Variants in SFMBT2 observed in about 807,000 individuals in gnomAD.
The protein encoded by SFMBT2 is Scm like with four mbt domains 2, also known as scm-like with four MBT domains protein 2.
Under a neutral mutation model 110.1 loss-of-function variants are expected in SFMBT2, and 38 were observed. The ratio of observed to expected loss-of-function variants is 0.35; its 90% CI spans 0.27 to 0.45. The LOEUF (loss-of-function observed/expected upper bound fraction) is 0.45, where lower values mean the gene tolerates loss of function less well. Ranked by LOEUF, SFMBT2 falls within the 20% of genes least tolerant of loss-of-function variation. SFMBT2 has a pLI of 1.00. For missense variants in SFMBT2, 1,011 were observed against 1,094.9 expected (o/e 0.92, Z 1.08); for synonymous variants, 425 against 425.4 (o/e 1.00, Z 0.01).
At position 7,176,070 on chromosome 10, in the gene SFMBT2, C is replaced by G. The variant is rs766994102; in HGVS notation, c.1904G>C (p.Cys635Ser). The G allele has an allele frequency of 4.3e-6, 7 of 1,614,110 alleles. No homozygotes were observed. The African/African-American group carries it at 9.3e-5, about 22-fold the overall frequency. ...CACAGGACTAAACAAATTTGGACAG[C>G]ACTCTAGCTTGGCACAGACTCGGCG... Reference protein sequence around the residue: ...FCRRVCAKLECCPNLFSPVLI... With the variant: ...FCRRVCAKLESCPNLFSPVLI... The change falls in exon 17 of 21, where the codon TGC (cysteine) becomes TCC (serine). Residue 635 changes from cysteine (C) to serine (S), a missense_variant. Cys to Ser is a moderately radical substitution (Grantham distance 112). Around this residue, in one of 2 missense-constraint regions of SFMBT2, gnomAD observed 979 missense variants for 1,016.1 expected, o/e 0.96. Transcript: ENST00000397167.
intron 8 of SFMBT2, among the ~76,000 whole-genome samples, chr10:7,247,220 G>A (rs535856701): frequency 7.2e-5 from 11 of 152,180 alleles, no homozygotes; most frequent in African/African-American, 2.4e-4. Flanking sequence ...AGGTTCAAGC[G>A]ATTCTCCTGC....
At chr10:7,326,967 C>T (rs986583882) in intron 4 of SFMBT2, among the ~76,000 whole-genome samples, 3 of 151,898 alleles carry the variant, frequency 2.0e-5, no homozygotes, top group Non-Finnish European at 4.4e-5. Context: ...GGAAAGTCAC[C>T]GTAAATAAAA....
At chr10:7,212,517 G>C (rs1839383298) in intron 11 of SFMBT2, among the ~76,000 whole-genome samples, 1 of 152,162 alleles carries the variant, frequency 6.6e-6, no homozygotes, top group South Asian at 2.1e-4. Context: ...TGGAGCACAG[G>C]CTCCCGCAGG....
At chr10:7,200,962 C>T in intron 13 of SFMBT2, 1 of 545,580 alleles carries the variant, frequency 1.8e-6, no homozygotes, top group Non-Finnish European at 2.3e-6. Flanking sequence ...AAAAGAAAAT[C>T]TATAAACTGG....
rs531939699 is a variant in SFMBT2, at chr10:7,370,767, A to T, written c.101-392T>A. 7.6e-4 allele frequency: 717 copies of T among 937,294 alleles called. 1 individual carries two copies. The highest frequency in any genetic ancestry group is 8.8e-4 in the Non-Finnish European group (692 of 786,180). 58.1% of individuals were successfully genotyped at this position (937,294 alleles called of 1,614,324 possible). A position where few individuals can be genotyped will look rare whatever the true frequency, so the allele number is the denominator to read the frequency against. Reference sequence around the variant, plus strand: ...CATCGTGCGCTGAGCAAGGGCTGTGATGTAGGCTGTGATGTATACAGAGAA... The same window carrying T: ...CATCGTGCGCTGAGCAAGGGCTGTGTTGTAGGCTGTGATGTATACAGAGAA... On this transcript the variant is annotated intron_variant, in intron 2 of 20. Transcript: ENST00000397167.
At chr10:7,352,463 C>T (rs961866621) in intron 4 of SFMBT2, among the ~76,000 whole-genome samples, 2 of 152,184 alleles carry the variant, frequency 1.3e-5, no homozygotes, top group African/African-American at 4.8e-5. Flanking sequence ...GCTGGGACTA[C>T]AGGCATGCAC....
intron 2 of SFMBT2, among the ~76,000 whole-genome samples, chr10:7,371,862 T>C (rs893409306): frequency 2.0e-5 from 3 of 150,592 alleles, no homozygotes; most frequent in Non-Finnish European, 4.4e-5. Context: ...CCAGGGGACA[T>C]GGGGCCAAAT....
At chr10:7,330,936 T>C (rs749752758) in intron 4 of SFMBT2, among the ~76,000 whole-genome samples, 5 of 152,238 alleles carry the variant, frequency 3.3e-5, no homozygotes, top group Non-Finnish European at 7.3e-5. Flanking sequence ...AGGCAGCAGT[T>C]TGCGGTCATC....
intron 2 of SFMBT2, among the ~76,000 whole-genome samples, chr10:7,380,844 G>T (rs1483250631): frequency 6.6e-6 from 1 of 152,128 alleles, no homozygotes; most frequent in Non-Finnish European, 1.5e-5. Flanking sequence ...GAGCCTAGTA[G>T]TTTAAGACAA....
intron 11 of SFMBT2, among the ~76,000 whole-genome samples, chr10:7,214,358 A>T (rs1050799642): frequency 6.6e-6 from 1 of 152,220 alleles, no homozygotes; most frequent in African/African-American, 2.4e-5. Flanking sequence ...GCTGGGTACA[A>T]ATGAAGCAAG....
At chr10:7,269,703 AGTAAGTGTGTGCGTGTGTGT>A (rs1374090364) in intron 7 of SFMBT2, among the ~76,000 whole-genome samples, 115 of 136,562 alleles carry the variant, frequency 8.4e-4, no homozygotes, top group Non-Finnish European at 1.5e-3. Flanking sequence ...AAAAAAAGCA[AGTAAGTGTGTGCGTGTGTGT>A]GTGTGTGTGT....
At position 7,367,310 on chromosome 10, in the gene SFMBT2, AATTCCT is replaced by A. The variant is rs1844939735; in HGVS notation, c.436+333_436+338del. Among the ~76,000 whole-genome samples the A allele has an allele frequency of 1.2e-5, 1 of 80,980 alleles. No individual in the cohort carries two copies. Among genetic ancestry groups the A allele is most frequent in the Non-Finnish European group, 2.6e-5 (1 of 37,862 alleles). 53.1% of individuals were successfully genotyped at this position (80,980 alleles called of 152,430 possible). On this transcript the variant is annotated intron_variant, in intron 4 of 20. Transcript: ENST00000397167. This position sits in a 1 kb window ranked among gnomAD's most constrained non-coding sequence, Gnocchi z 6.2. ...TTTCAGCCTTCCTTTCTTACCCTCCAATTCCTGATGTCCTTTCAGCCTTCCTTTCTT... is the reference window on the plus strand; with the variant it reads ...TTTCAGCCTTCCTTTCTTACCCTCCAGATGTCCTTTCAGCCTTCCTTTCTT...
At chr10:7,324,680 C>G (rs775362784) in intron 4 of SFMBT2, among the ~76,000 whole-genome samples, 1 of 152,190 alleles carries the variant, frequency 6.6e-6, no homozygotes, top group African/African-American at 2.4e-5. Flanking sequence ...GACTGGGTGT[C>G]TTAAACAGAA....
chr10:7,295,859 G>A (rs1842394094), intron 4 of SFMBT2, among the ~76,000 whole-genome samples: 2 of 152,200 alleles, frequency 1.3e-5, no homozygotes, highest in Admixed American at 1.3e-4. Context: ...TCAGACAAGG[G>A]AAACACTCAG....
intron 7 of SFMBT2, chr10:7,249,456 G>A (rs1189042293): frequency 1.1e-6 from 1 of 929,570 alleles, no homozygotes; most frequent in African/African-American, 1.8e-5. Flanking sequence ...CTCACAGTCT[G>A]GATAAACAGC....
chr10:7,370,482 C>T (rs770875748), intron 2 of SFMBT2, 107 bp from the exon 3 acceptor site: 4 of 945,666 alleles, frequency 4.2e-6, no homozygotes, highest in Non-Finnish European at 6.7e-6. Context: ...CAAGCTAATT[C>T]CACAGTTCAG....
intron 10 of SFMBT2, among the ~76,000 whole-genome samples, chr10:7,225,360 C>G (rs1839868892): frequency 6.6e-6 from 1 of 152,216 alleles, no homozygotes; most frequent in South Asian, 2.1e-4. Context: ...GCATCCAATT[C>G]CACACTAGCT....
chr10:7,224,761 A>G (rs2131663698), intron 10 of SFMBT2, among the ~76,000 whole-genome samples: 1 of 152,334 alleles, frequency 6.6e-6, no homozygotes, highest in Non-Finnish European at 1.5e-5. Flanking sequence ...CAAATTGCCA[A>G]CTACTATAAA....
intron 20 of SFMBT2, among the ~76,000 whole-genome samples, chr10:7,165,648 C>T (rs1837675845): frequency 6.6e-6 from 1 of 152,142 alleles, no homozygotes; most frequent in African/African-American, 2.4e-5. Flanking sequence ...CAACTCGAAG[C>T]CACGTTCAAC....
Sources: gnomAD v4.1 joint callset for allele counts (sites outside exome capture counted in the v4.1 genomes callset) on GRCh38, gnomAD v4.1.1 for gene constraint, gnomAD v4.1.1 regional missense constraint, Gnocchi (gnomAD v3.1) non-coding constraint, MANE v1.5 for transcripts, NCBI Gene and HGNC (gene_info 2026-07-23, HGNC 2026-07-21) for gene names.